The following ACLY variants were observed in gnomAD, a reference collection of about 807,000 sequenced individuals.
ACLY encodes ATP-citrate synthase.
In ACLY, 41 loss-of-function variants were observed where a neutral mutation model predicts 133.0. The ratio of observed to expected loss-of-function variants is 0.31; its 90% CI spans 0.24 to 0.40. The LOEUF is 0.40. ACLY is among the 10% of genes least tolerant of loss of function. ACLY has a pLI of 1.00. For missense variants in ACLY, 1,046 were observed against 1,453.8 expected, an observed-to-expected ratio of 0.72 and a Z score of 4.56; for synonymous variants, 495 against 549.3, an observed-to-expected ratio of 0.90 and a Z score of 1.38.
At chr17:41,873,050 C>T (rs782463664) in intron 23 of ACLY, among the ~76,000 whole-genome samples, 6 of 152,206 alleles carry the variant, frequency 3.9e-5, no homozygotes, top group Non-Finnish European at 8.8e-5. Context: ...ATCACATACT[C>T]ACTGGCTCCC....
Position 41,905,945 on chromosome 17 carries a change from G to A in ACLY, c.867-287C>T, listed in dbSNP as rs1381688336. On this transcript the variant is annotated intron_variant, in intron 8 of 28. Transcript: ENST00000352035. ...GAGCACCTCCCTAACACAAAGACAA[G>A]CAAAATCACACACTGCAGGAGTCCC... 3.3e-5 allele frequency among the ~76,000 whole-genome samples: 5 copies of A among 152,178 alleles called. No homozygotes were observed. In the East Asian group the frequency reaches 9.6e-4, roughly 29 times the overall value.
At chr17:41,887,369 C>T (rs972797854) in intron 17 of ACLY, among the ~76,000 whole-genome samples, 1 of 151,782 alleles carries the variant, frequency 6.6e-6, no homozygotes. Flanking sequence ...AACCCGGAAG[C>T]GGAGGTTGCA....
In ACLY at chr17:41,879,402, G is replaced by GC. The variant is rs1198176039; in HGVS notation, c.2266-479dup. Among the ~76,000 whole-genome samples, 558 of 143,184 alleles carry GC rather than the reference G, an allele frequency of 3.9e-3. 4 individuals are homozygous for GC. The highest frequency in any genetic ancestry group is 0.012 in the African/African-American group (447 of 38,766). 93.9% of individuals were successfully genotyped at this position (143,184 alleles called of 152,430 possible). A position where few individuals can be genotyped will look rare whatever the true frequency, so the allele number is the denominator to read the frequency against. On this transcript the variant is annotated intron_variant, in intron 20 of 28. Transcript: ENST00000352035. The stretch of plus-strand genomic sequence containing the variant: ...ATTACAGGTGTGAGCCACCACGCCT[G>GC]CCCCCCCCGCCTTTTTTTTTTTTTT...
Position 41,878,205 on chromosome 17 carries a change from C to T in ACLY, c.2394-9G>A. On this transcript the variant is annotated splice_polypyrimidine_tract_variant and intron_variant, in intron 21 of 28. Transcript: ENST00000352035. ...GATCTTCGTATACAGACCTGGGAGG[C>T]AGGAAAAAAAAGACATCCATGTGGA... 1 of 1,545,956 alleles carries T rather than the reference C, an allele frequency of 6.5e-7. No homozygotes were observed.
chr17:41,883,517 A>C (rs1441101282), intron 19 of ACLY, among the ~76,000 whole-genome samples: 1 of 151,814 alleles, frequency 6.6e-6, no homozygotes, highest in Non-Finnish European at 1.5e-5. Context: ...TTTAGTATTT[A>C]GAAAATTTTT....
At chr17:41,919,665 G>C (rs782725201), upstream of ACLY, among the ~76,000 whole-genome samples, 6 of 152,238 alleles carry the variant, frequency 3.9e-5, no homozygotes, top group Non-Finnish European at 8.8e-5. Flanking sequence ...GATCAGGGCG[G>C]AGCTAGGAAT....
chr17:41,870,020 G>A (rs1289926739), intron 25 of ACLY, among the ~76,000 whole-genome samples: 1 of 152,170 alleles, frequency 6.6e-6, no homozygotes, highest in African/African-American at 2.4e-5. Flanking sequence ...TTTAGTGTGG[G>A]GAGGCAAAGT....
intron 1 of ACLY, among the ~76,000 whole-genome samples, chr17:41,925,397 G>C (rs1321638270): frequency 7.1e-6 from 1 of 140,926 alleles, no homozygotes; most frequent in Non-Finnish European, 1.5e-5. Context: ...AAGAGTTCAA[G>C]ACCAGCCTGG....
chr17:41,871,033 C>T (rs533335813), intron 25 of ACLY, among the ~76,000 whole-genome samples: 1 of 152,112 alleles, frequency 6.6e-6, no homozygotes, highest in Non-Finnish European at 1.5e-5. Flanking sequence ...TCTGTTACTG[C>T]GGAATGAGGT....
intron 1 of ACLY, among the ~76,000 whole-genome samples, chr17:41,926,720 C>T (rs993591674): frequency 6.6e-6 from 1 of 151,974 alleles, no homozygotes; most frequent in Non-Finnish European, 1.5e-5. Context: ...AACTCCTGAC[C>T]TCAGGTGATC....
chr17:41,895,936 C>A (rs1213511350), intron 14 of ACLY, among the ~76,000 whole-genome samples: 1 of 152,162 alleles, frequency 6.6e-6, no homozygotes, highest in Non-Finnish European at 1.5e-5. Context: ...TGGGTGAATG[C>A]GCATGCACAG....
chr17:41,897,423 G>GA (rs2049401378), intron 13 of ACLY, among the ~76,000 whole-genome samples: 1 of 152,056 alleles, frequency 6.6e-6, no homozygotes, highest in Non-Finnish European at 1.5e-5. Context: ...GAGTCTCAGA[G>GA]AACTTTCCAC....
intron 6 of ACLY, among the ~76,000 whole-genome samples, chr17:41,907,929 T>G (rs1555632970): frequency 6.6e-6 from 1 of 151,998 alleles, no homozygotes; most frequent in African/African-American, 2.4e-5. Context: ...TGTTTAAAGG[T>G]ACATGTTGCT....
At chr17:41,917,682 G>A (rs1555634756) in intron 1 of ACLY, among the ~76,000 whole-genome samples, 1 of 152,126 alleles carries the variant, frequency 6.6e-6, no homozygotes, top group Non-Finnish European at 1.5e-5. Context: ...TGAGAAGACA[G>A]GCAATCCCTG....
intron 20 of ACLY, among the ~76,000 whole-genome samples, chr17:41,882,891 G>A (rs1555627608): frequency 6.6e-6 from 1 of 152,186 alleles, no homozygotes. Flanking sequence ...ACGCCAAGTA[G>A]GGACTCAGAG....
At chr17:41,907,640 C>T (rs2049762179) in intron 6 of ACLY, 68 bp from the exon 7 acceptor site, 3 of 1,570,162 alleles carry the variant, frequency 1.9e-6, no homozygotes, top group African/African-American at 2.7e-5. Context: ...ACCTCCAACC[C>T]CTCCACAAAC....
Position 41,867,343 on chromosome 17 carries a change from A to G in ACLY, c.*467T>C, listed in dbSNP as rs1419687958. On this transcript the variant is annotated 3_prime_UTR_variant, in exon 29 of 29. Coordinates refer to ENST00000352035, the MANE Select transcript of ACLY (RefSeq NM_001096.3). The stretch of plus-strand genomic sequence containing the variant: ...ATTAATACAATGTTCTTCATGTTAT[A>G]TAAGGAAGAAGAAAGGGAAGTAAAA... 3 of 151,548 alleles carry G rather than the reference A, an allele frequency of 2.0e-5. No individual in the cohort carries two copies. Among genetic ancestry groups the G allele is most frequent in the Non-Finnish European group, 4.4e-5 (3 of 67,938 alleles). The allele number at this position is 151,548 out of a possible 1,614,324, so 9.4% of individuals were successfully genotyped here.
intron 6 of ACLY, among the ~76,000 whole-genome samples, chr17:41,908,657 G>A (rs1555633084): frequency 6.6e-6 from 1 of 152,176 alleles, no homozygotes; most frequent in Non-Finnish European, 1.5e-5. Flanking sequence ...CCAGCTACTC[G>A]GAAGGCTGAG....
chr17:41,886,341 G>A (rs1555628156), intron 17 of ACLY, 33 bp from the exon 18 acceptor site: 1 of 1,569,448 alleles, frequency 6.4e-7, no homozygotes. Flanking sequence ...CAGGGAGGAA[G>A]GTGACTTCCA....
Sources: allele counts gnomAD v4.1 joint callset (sites outside exome capture counted in the v4.1 genomes callset), GRCh38; gene constraint gnomAD v4.1.1; transcripts MANE v1.5; gene names NCBI Gene and HGNC (gene_info 2026-07-23, HGNC 2026-07-21).